The following MYO15A variants were observed in gnomAD, a reference collection of about 807,000 sequenced individuals.
MYO15A encodes the protein myosin XVA, also known as unconventional myosin-XV.
MYO15A carries 308 observed loss-of-function variants against 394.6 expected under a neutral mutation model. That is an observed-to-expected ratio of 0.78 (90% CI 0.71 to 0.86). The LOEUF is 0.86. Among genes scored for constraint, MYO15A ranks in the 40% least tolerant of loss-of-function variants. The probability of loss-of-function intolerance (pLI) is 0.00; values close to 1 mark genes in which losing one functional copy is unlikely to be tolerated. For missense variants in MYO15A, 4,606 were observed against 4,799.1 expected (o/e 0.96, Z 1.19); for synonymous variants, 1,957 against 2,003.8 (o/e 0.98, Z 0.62).
intron 56 of MYO15A, chr17:18,161,012 G>A (rs144654604): frequency 2.4e-4 from 117 of 493,060 alleles, no homozygotes; most frequent in Middle Eastern, 1.1e-3. Context: ...CCTTTTCCCA[G>A]AAGCCTCCCT....
chr17:18,165,776 C>A (rs1187780637), intron 60 of MYO15A, among the ~76,000 whole-genome samples: 1 of 152,230 alleles, frequency 6.6e-6, no homozygotes, highest in Non-Finnish European at 1.5e-5. Flanking sequence ...CAAACTCCCT[C>A]TCTTTAGTAA....
chr17:18,139,040 A>C, intron 18 of MYO15A, 104 bp downstream of exon 18: 3 of 1,497,134 alleles, frequency 2.0e-6, no homozygotes, highest in Non-Finnish European at 1.8e-6. Context: ...GCCAGGTCCA[A>C]TTCTGGCTCT....
chr17:18,140,503 C>T lies in MYO15A; in HGVS notation c.5212-14C>T, dbSNP rs2072652. The T allele has an allele frequency of 0.14, 230,584 of 1,613,274 alleles. 21,549 individuals carry two copies. The highest frequency in any genetic ancestry group is 0.49 in the East Asian group (22,196 of 44,856). On this transcript the variant is annotated splice_polypyrimidine_tract_variant and intron_variant, in intron 19 of 65. Transcript: ENST00000647165. ...CCCTGCCTGTCTGTTTTCCCTGCCC[C>T]GACCCCTGCCCAGGTGGTGGCACAC...
chr17:18,149,950 CAAAA>C (rs369728454), intron 35 of MYO15A: 441 of 124,766 alleles, frequency 3.5e-3, no homozygotes, highest in South Asian at 0.014. Context: ...GACCCTGTCT[CAAAA>C]AAAAAAAAAA....
intron 1 of MYO15A, among the ~76,000 whole-genome samples, chr17:18,111,741 T>C (rs1416032252): frequency 6.6e-6 from 1 of 152,192 alleles, no homozygotes; most frequent in Non-Finnish European, 1.5e-5. Context: ...CAGCAGCCTG[T>C]AGCAATGACG....
chr17:18,149,968 AAAAG>A (rs1460819302), intron 35 of MYO15A: 72 of 312,498 alleles, frequency 2.3e-4, no homozygotes, highest in Non-Finnish European at 3.0e-4. Context: ...AAAAAAAAAA[AAAAG>A]AAAGGGAAGA....
Position 18,136,562 on chromosome 17 carries a change from G to A in MYO15A, c.4656-1G>A. 6.2e-7 allele frequency: 1 copy of A among 1,614,044 alleles called. No individual in the cohort carries two copies. Among genetic ancestry groups the A allele is most frequent in the Non-Finnish European group, 8.5e-7 (1 of 1,180,052 alleles). On this transcript the variant is annotated splice_acceptor_variant, in intron 14 of 65. Coordinates refer to ENST00000647165, the MANE Select transcript of MYO15A (RefSeq NM_016239.4). LOFTEE classifies it high-confidence loss of function. ...TCACACCAGCACCACCTCTGCTCCAGGGACGCCATCGCCAAGGTCTTGTAT... is the reference window on the plus strand; with the variant it reads ...TCACACCAGCACCACCTCTGCTCCAAGGACGCCATCGCCAAGGTCTTGTAT...
At chr17:18,149,908 G>A in intron 35 of MYO15A, 1 of 374,878 alleles carries the variant, frequency 2.7e-6, no homozygotes, top group Non-Finnish European at 4.9e-6. Context: ...AGCTGTGATT[G>A]CACCACTGTG....
At position 18,143,917 on chromosome 17, in the gene MYO15A, C is replaced by T. The variant is rs771453959; in HGVS notation, c.6094C>T (p.Arg2032Ter). ...VPQVAPVRTP[R>*]LQAEPRVTLP... is the part of the protein sequence containing the mutation. ...TCAGGTGGCCCCTGTGAGGACTCCT[C>T]GACTCCAGGCTGAGCCCCGTGTCAC... Residue 2032 changes from arginine to a stop codon, truncating the protein, a stop_gained, in exon 28 of 66, where the codon CGA becomes TGA. Coordinates refer to ENST00000647165, the MANE Select transcript of MYO15A (RefSeq NM_016239.4). LOFTEE classifies it high-confidence loss of function. 10 of 1,604,352 alleles carry T rather than the reference C, an allele frequency of 6.2e-6. No individual in the cohort carries two copies. Among genetic ancestry groups the T allele is most frequent in the South Asian group, 4.5e-5 (4 of 89,434 alleles).
At chr17:18,128,414 A>G (rs1032759552) in intron 7 of MYO15A, among the ~76,000 whole-genome samples, 2 of 152,166 alleles carry the variant, frequency 1.3e-5, no homozygotes, top group African/African-American at 4.8e-5. Flanking sequence ...TGTCCTAGCC[A>G]GGGGCGAGCC....
chr17:18,147,913 A>T lies in MYO15A; in HGVS notation c.6510-116A>T. 7.6e-7 allele frequency: 1 copy of T among 1,309,118 alleles called. No homozygotes were observed. Among genetic ancestry groups the T allele is most frequent in the Non-Finnish European group, 1.1e-6 (1 of 913,880 alleles). 81.1% of individuals were successfully genotyped at this position (1,309,118 alleles called of 1,614,324 possible). ...TTTTAGCCTCACCTTGGAGCTCTGG[A>T]GTAGCCTGGGCCTTTCTCAGACTAG... is the stretch of plus-strand genomic sequence containing the variant. On this transcript the variant is annotated intron_variant, in intron 30 of 65. Transcript: ENST00000647165. The surrounding 1 kb of genome is among the most constrained non-coding windows in gnomAD (Gnocchi z 4.4).
At chr17:18,135,209 C>A (rs9906413) in intron 12 of MYO15A, among the ~76,000 whole-genome samples, 1 of 151,968 alleles carries the variant, frequency 6.6e-6, no homozygotes, top group African/African-American at 2.4e-5. Context: ...TCACTCTTGT[C>A]GCCCAGGCTG....
rs751686637 is a variant in MYO15A at position 18,127,179 on chromosome 17, T to C, written c.4032+14T>C. On this transcript the variant is annotated intron_variant, in intron 7 of 65. Coordinates refer to ENST00000647165, the MANE Select transcript of MYO15A (RefSeq NM_016239.4). Reference sequence around the variant, plus strand: ...GTCATGCAGCAGGTGAGTCTACCTGTCTCCCCAGGACCCTAGGCTGAACAC... The same window carrying C: ...GTCATGCAGCAGGTGAGTCTACCTGCCTCCCCAGGACCCTAGGCTGAACAC... The C allele has an allele frequency of 1.2e-5, 20 of 1,613,536 alleles. No homozygotes were observed. The highest frequency in any genetic ancestry group is 4.5e-5 in the East Asian group (2 of 44,892).
intron 7 of MYO15A, 109 bp downstream of exon 7, chr17:18,127,274 G>A: frequency 7.4e-7 from 1 of 1,346,638 alleles, no homozygotes; most frequent in Non-Finnish European, 1.0e-6. Flanking sequence ...AGATGAGGAG[G>A]CTGAGTTCCA....
chr17:18,179,199 C>G lies in MYO15A; in HGVS notation c.*329C>G. 1 of 439,122 alleles carries G rather than the reference C, an allele frequency of 2.3e-6. No individual in the cohort carries two copies. Among genetic ancestry groups the G allele is most frequent in the South Asian group, 2.1e-5 (1 of 46,586 alleles). The allele number at this position is 439,122 out of a possible 1,614,324, so 27.2% of individuals were successfully genotyped here. ...CTGCCCCTAACTCCTGCCTATGACA[C>G]AGAAGCCCCACACCAGTTGCCCAGA... On this transcript the variant is annotated 3_prime_UTR_variant, in exon 66 of 66. Transcript: ENST00000647165.
intron 25 of MYO15A, 41 bp downstream of exon 25, chr17:18,142,881 G>A: frequency 6.4e-7 from 1 of 1,565,788 alleles, no homozygotes; most frequent in Non-Finnish European, 8.7e-7. Flanking sequence ...GGACAGCAGA[G>A]AAGGGGAAAG....
At chr17:18,178,650 C>A in intron 65 of MYO15A, 119 bp from the exon 66 acceptor site, 1 of 969,244 alleles carries the variant, frequency 1.0e-6, no homozygotes, top group Non-Finnish European at 1.6e-6. Context: ...GGACAAGGGT[C>A]CCTGCATGAA....
At chr17:18,136,724 G>A in intron 15 of MYO15A, 38 bp downstream of exon 15, 1 of 1,559,046 alleles carries the variant, frequency 6.4e-7, no homozygotes, top group Admixed American at 1.9e-5. Flanking sequence ...GGGGGACATA[G>A]GCAAGGTCTC....
At chr17:18,175,134 G>A (rs1368917641) in intron 65 of MYO15A, among the ~76,000 whole-genome samples, 2 of 143,374 alleles carry the variant, frequency 1.4e-5, no homozygotes, top group Admixed American at 1.4e-4. Flanking sequence ...GCCCAGACTA[G>A]TCTTAAACTC....
Sources: allele counts gnomAD v4.1 joint callset (sites outside exome capture counted in the v4.1 genomes callset), GRCh38; gene constraint gnomAD v4.1.1; non-coding constraint Gnocchi (gnomAD v3.1); transcripts MANE v1.5; gene names NCBI Gene and HGNC (gene_info 2026-07-23, HGNC 2026-07-21).